The following EPRS1 variants were observed in gnomAD, a reference collection of about 807,000 sequenced individuals.
EPRS1 encodes the protein bifunctional glutamate/proline--tRNA ligase.
A neutral mutation model predicts 188.3 loss-of-function variants in EPRS1; 107 were observed. The ratio of observed to expected loss-of-function variants is 0.57; its 90% CI spans 0.49 to 0.67. The LOEUF (loss-of-function observed/expected upper bound fraction) is 0.67, where lower values mean the gene tolerates loss of function less well. Among genes scored for constraint, EPRS1 ranks in the 30% least tolerant of loss-of-function variants. The pLI is 0.00. For missense variants in EPRS1, 1,577 were observed against 1,802.2 expected (o/e 0.88, Z 2.26); for synonymous variants, 596 against 593.1 (o/e 1.00, Z -0.07).
chr1:220,013,541 G>T (rs1426696670), intron 12 of EPRS1, among the ~76,000 whole-genome samples: 1 of 151,944 alleles, frequency 6.6e-6, no homozygotes, highest in African/African-American at 2.4e-5. Context: ...CTAAGTTAGT[G>T]AAGAGTAGGA....
At chr1:219,980,296 A>G (rs928776541) in intron 25 of EPRS1, 56 bp from the exon 26 acceptor site, 58 of 1,412,908 alleles carry the variant, frequency 4.1e-5, no homozygotes, top group Admixed American at 5.3e-5. Flanking sequence ...ATTCATTAAG[A>G]TCTATAAAAC....
At chr1:220,039,795 G>A (rs1387786101) in intron 2 of EPRS1, among the ~76,000 whole-genome samples, 3 of 152,166 alleles carry the variant, frequency 2.0e-5, no homozygotes, top group Non-Finnish European at 2.9e-5. Flanking sequence ...CGGGATTACA[G>A]GTGTGAGCCA....
intron 18 of EPRS1, among the ~76,000 whole-genome samples, chr1:219,989,420 G>A (rs1174342011): frequency 2.0e-5 from 3 of 151,026 alleles, no homozygotes; most frequent in African/African-American, 7.3e-5. Flanking sequence ...CTCTCTAGCA[G>A]AGAATGATAG....
chr1:220,044,709 A>AAAAAAAAAAAAAC (rs1300376625), intron 1 of EPRS1, among the ~76,000 whole-genome samples: 1 of 143,914 alleles, frequency 6.9e-6, no homozygotes, highest in African/African-American at 2.6e-5. Context: ...AAAAAAAAAA[A>AAAAAAAAAAAAAC]AAAACAGTAT....
At chr1:220,036,341 C>CA in intron 2 of EPRS1, among the ~76,000 whole-genome samples, 1 of 152,276 alleles carries the variant, frequency 6.6e-6, no homozygotes, top group South Asian at 2.1e-4. Context: ...GCTATACACT[C>CA]AGAGGAATAT....
chr1:220,020,115 A>T lies in EPRS1; in HGVS notation c.1222T>A (p.Trp408Arg). The change falls in exon 10 of 32, where the codon TGG becomes AGG. Residue 408 changes from tryptophan (W) to arginine (R), a missense_variant. Trp to Arg is a moderately radical substitution (Grantham distance 101). Around this residue, in one of 3 missense-constraint regions of EPRS1, gnomAD observed 1,278 missense variants for 1,457.4 expected, o/e 0.88. Transcript: ENST00000366923. The part of the protein sequence containing the change: ...EYHDRDEQFY[W>R]IIEALGIRKP... ...CTTATGCCTAAAGCTTCAATAATCC[A>T]GTAAAACTGCTCATCTCTGTCATGG... 6.2e-7 allele frequency: 1 copy of T among 1,614,070 alleles called. No homozygotes were observed.
In EPRS1 at chr1:220,034,975, T is replaced by G. The variant is rs1289399706; in HGVS notation, c.170A>C (p.Tyr57Ser). 3.1e-6 allele frequency: 5 copies of G among 1,599,874 alleles called. No individual in the cohort carries two copies. Among genetic ancestry groups the G allele is most frequent in the Non-Finnish European group, 4.3e-6 (5 of 1,172,340 alleles). Residue 57 changes from tyrosine to serine, a missense_variant, in exon 3 of 32, where the codon TAC becomes TCC. Around this residue, in one of 3 missense-constraint regions of EPRS1, gnomAD observed 1,278 missense variants for 1,457.4 expected, o/e 0.88. Transcript: ENST00000366923. ...IFTDVNSILRYLARVATTAGL... is the reference protein window; with the variant it reads ...IFTDVNSILRSLARVATTAGL... Reference sequence around the variant, plus strand: ...AGCTGTAGTTGCAACTCTAGCCAAGTAGCGAAGTATAGAATTCACATCTGT... The same window carrying G: ...AGCTGTAGTTGCAACTCTAGCCAAGGAGCGAAGTATAGAATTCACATCTGT...
At chr1:220,028,527 G>T (rs2577149) in intron 6 of EPRS1, among the ~76,000 whole-genome samples, 1 of 151,706 alleles carries the variant, frequency 6.6e-6, no homozygotes, top group Admixed American at 6.6e-5. Context: ...GCTGAATTGG[G>T]CTTCTGCCAT....
chr1:219,980,697 T>A (rs1201726160), intron 25 of EPRS1, 59 bp downstream of exon 25: 1 of 1,215,572 alleles, frequency 8.2e-7, no homozygotes, highest in Non-Finnish European at 1.2e-6. Context: ...AATAACAAAA[T>A]TGCAGAACCT....
chr1:220,024,948 ACT>A (rs1661946236), intron 7 of EPRS1, 182 bp downstream of exon 7: 4 of 580,474 alleles, frequency 6.9e-6, no homozygotes, highest in Admixed American at 3.0e-5. Context: ...AGGAAAAATA[ACT>A]CTTAAGTTTT....
chr1:220,031,227 G>A (rs1038812641), intron 5 of EPRS1, among the ~76,000 whole-genome samples: 1 of 152,114 alleles, frequency 6.6e-6, no homozygotes, highest in African/African-American at 2.4e-5. Flanking sequence ...AGGGAAGGAA[G>A]CCGAAATAGA....
At position 220,001,123 on chromosome 1, in the gene EPRS1, C is replaced by T. The variant is rs768354918; in HGVS notation, c.2181+15G>A. 4.4e-6 allele frequency: 6 copies of T among 1,371,574 alleles called. No individual in the cohort carries two copies. Among genetic ancestry groups the T allele is most frequent in the African/African-American group, 1.4e-5 (1 of 70,092 alleles). 85.0% of individuals were successfully genotyped at this position (1,371,574 alleles called of 1,614,324 possible). On this transcript the variant is annotated intron_variant, in intron 17 of 31. Coordinates refer to ENST00000366923, the MANE Select transcript of EPRS1 (RefSeq NM_004446.3). ...GACCATTTATTTTTATACACATATC[C>T]GTAAAAGTCATTACCTCATTTTTTG... is the stretch of plus-strand genomic sequence containing the variant.
chr1:219,978,762 T>A, intron 27 of EPRS1, 43 bp from the exon 28 acceptor site: 1 of 1,504,782 alleles, frequency 6.6e-7, no homozygotes, highest in Non-Finnish European at 9.0e-7. Context: ...AAGAAACAGA[T>A]ATAGAAGTAA....
chr1:220,022,751 A>T (rs1416873267), intron 8 of EPRS1, among the ~76,000 whole-genome samples: 1 of 152,254 alleles, frequency 6.6e-6, no homozygotes, highest in Non-Finnish European at 1.5e-5. Flanking sequence ...AAAAGGTAAC[A>T]TCAATACATT....
chr1:219,978,613 A>T lies in EPRS1; in HGVS notation c.4016T>A (p.Ile1339Asn). 1 of 1,610,482 alleles carries T rather than the reference A, an allele frequency of 6.2e-7. No individual in the cohort carries two copies. Among genetic ancestry groups the T allele is most frequent in the Non-Finnish European group, 8.5e-7 (1 of 1,178,114 alleles). The change falls in exon 28 of 32, where the codon ATC becomes AAC. Residue 1339 changes from isoleucine (I) to asparagine (N), a missense_variant. Coordinates refer to ENST00000366923, the MANE Select transcript of EPRS1 (RefSeq NM_004446.3). ...DYRRRLLSVN[I>N]RVRADLRDNY... ...ATCTCGTAAATCAGCTCTAACGCGG[A>T]TGTTAACACTGAGTAATCGCCTTCG...
chr1:220,009,821 C>G (rs1237191965), intron 13 of EPRS1, among the ~76,000 whole-genome samples: 3 of 152,088 alleles, frequency 2.0e-5, no homozygotes, highest in Non-Finnish European at 4.4e-5. Context: ...GGGCTGGGCA[C>G]AGTGGCTCAT....
At chr1:219,991,391 C>T (rs541166338) in intron 18 of EPRS1, among the ~76,000 whole-genome samples, 1 of 152,060 alleles carries the variant, frequency 6.6e-6, no homozygotes, top group African/African-American at 2.4e-5. Flanking sequence ...TTGCTCCTTA[C>T]TAGCATATCT....
chr1:220,006,036 A>T, intron 15 of EPRS1, 70 bp downstream of exon 15: 1 of 867,374 alleles, frequency 1.2e-6, no homozygotes, highest in Non-Finnish European at 1.7e-6. Flanking sequence ...GATCCGAAAT[A>T]TATAAAATTA....
At chr1:220,040,771 A>T (rs970316678) in intron 1 of EPRS1, among the ~76,000 whole-genome samples, 1 of 151,766 alleles carries the variant, frequency 6.6e-6, no homozygotes, top group Non-Finnish European at 1.5e-5. Flanking sequence ...AATCGCTTGA[A>T]CCTGGGAGGT....
Sources: gnomAD v4.1 joint callset for allele counts (sites outside exome capture counted in the v4.1 genomes callset) on GRCh38, gnomAD v4.1.1 for gene constraint, gnomAD v4.1.1 regional missense constraint, MANE v1.5 for transcripts, NCBI Gene and HGNC (gene_info 2026-07-23, HGNC 2026-07-21) for gene names.